The following ANKHD1 variants were observed in gnomAD, a reference collection of about 807,000 sequenced individuals.
ANKHD1 encodes the protein ankyrin repeat and KH domain-containing protein 1.
In ANKHD1, 31 loss-of-function variants were observed where a neutral mutation model predicts 230.5. That is an observed-to-expected ratio of 0.13 (90% CI 0.10 to 0.18). The LOEUF is 0.18. Ranked by LOEUF, ANKHD1 falls within the 10% of genes least tolerant of loss-of-function variation. The pLI, the probability that ANKHD1 is intolerant of heterozygous loss-of-function variation, is 1.00. For synonymous variants in ANKHD1, 1,074 were observed against 1,117.6 expected (o/e 0.96, Z 0.78); for missense variants, 2,256 against 3,071.3 (o/e 0.73, Z 6.27).
At chr5:140,514,187 T>TAAAA (rs141993613) in intron 24 of ANKHD1, among the ~76,000 whole-genome samples, 2 of 111,456 alleles carry the variant, frequency 1.8e-5, no homozygotes, top group African/African-American at 3.4e-5. Flanking sequence ...CTCTCTCTAT[T>TAAAA]AAAAAAAAAA....
At chr5:140,453,025 G>T (rs983878790) in intron 7 of ANKHD1, among the ~76,000 whole-genome samples, 5 of 152,160 alleles carry the variant, frequency 3.3e-5, no homozygotes, top group Non-Finnish European at 5.9e-5. Context: ...GTCCTTAAAT[G>T]ACCTGATGGA....
rs543661763 is a variant in ANKHD1 at position 140,469,234 on chromosome 5, A to G, written c.1782+4458A>G. ...CAAAAATCTTCTTGCCTGGCACAGT[A>G]GCTCAAGTCTTTAATCCCAGCTCTT... is the stretch of plus-strand genomic sequence containing the variant. On this transcript the variant is annotated intron_variant, in intron 10 of 33. Transcript: ENST00000360839. 6.6e-5 allele frequency among the ~76,000 whole-genome samples: 10 copies of G among 151,232 alleles called. No individual in the cohort carries two copies. The South Asian group carries it at 2.1e-3, about 32-fold the overall frequency.
chr5:140,438,679 C>T, intron 3 of ANKHD1, 62 bp downstream of exon 3: 3 of 1,460,726 alleles, frequency 2.1e-6, no homozygotes, highest in African/African-American at 2.8e-5. Context: ...GGGAAGTAGC[C>T]AATTTTGGTT....
intron 29 of ANKHD1, among the ~76,000 whole-genome samples, chr5:140,530,999 G>T (rs922469840): frequency 3.9e-5 from 6 of 152,194 alleles, no homozygotes. Context: ...GCCTGCATAT[G>T]ACTATCTATG....
chr5:140,458,136 C>T (rs1293711003), intron 7 of ANKHD1, among the ~76,000 whole-genome samples: 1 of 152,148 alleles, frequency 6.6e-6, no homozygotes. Context: ...CAAGTGGTAA[C>T]GACTTCACAT....
intron 10 of ANKHD1, among the ~76,000 whole-genome samples, chr5:140,469,916 G>A (rs534501798): frequency 1.3e-5 from 2 of 151,850 alleles, no homozygotes; most frequent in South Asian, 4.2e-4. Flanking sequence ...TCCTCAACTT[G>A]ACTTATCTGT....
In ANKHD1 at chr5:140,527,743, T is replaced by C. The variant is rs1026192587; in HGVS notation, c.5088-130T>C. On this transcript the variant is annotated intron_variant, in intron 27 of 33. Coordinates refer to ENST00000360839, the MANE Select transcript of ANKHD1 (RefSeq NM_017747.3). The surrounding 1 kb of genome is among the most constrained non-coding windows in gnomAD (Gnocchi z 4.5). The stretch of plus-strand genomic sequence containing the variant: ...AGATCAATTTCTAAAATAAAAACTT[T>C]TAATAATTTCCTCTTTAGCATTTAA... The C allele has an allele frequency of 8.5e-7, 1 of 1,177,912 alleles. No individual in the cohort carries two copies. Among genetic ancestry groups the C allele is most frequent in the Non-Finnish European group, 1.1e-6 (1 of 903,340 alleles). The allele number at this position is 1,177,912 out of a possible 1,614,324, so 73.0% of individuals were successfully genotyped here.
chr5:140,441,602 C>T (rs868062717), intron 5 of ANKHD1, among the ~76,000 whole-genome samples: 5 of 151,600 alleles, frequency 3.3e-5, no homozygotes, highest in East Asian at 1.9e-4. Flanking sequence ...CATTGGTTAC[C>T]GGGTCAGGGG....
chr5:140,520,547 A>G (rs1230576198), intron 24 of ANKHD1, among the ~76,000 whole-genome samples: 1 of 152,020 alleles, frequency 6.6e-6, no homozygotes, highest in Non-Finnish European at 1.5e-5. Flanking sequence ...CAGCAATGAT[A>G]GACTGGATTA....
In ANKHD1 at chr5:140,529,730, C is replaced by A; in HGVS notation, c.6784C>A (p.His2262Asn). 1 of 1,614,188 alleles carries A rather than the reference C, an allele frequency of 6.2e-7. No homozygotes were observed. The highest frequency in any genetic ancestry group is 8.5e-7 in the Non-Finnish European group (1 of 1,180,042). The change falls in exon 29 of 34, where the codon CAC (histidine) becomes AAC (asparagine). Residue 2262 changes from histidine to asparagine, a missense_variant. His to Asn is a moderately conservative substitution (Grantham distance 68). Transcript: ENST00000360839. ...AGTGCTTGGACACTTGGAAAACATG[C>A]ACCCTGATAACTCAAAGGCACCTGG... Reference protein sequence around the residue: ...NSVLGHLENMHPDNSKAPGFR... With the variant: ...NSVLGHLENMNPDNSKAPGFR...
intron 1 of ANKHD1, among the ~76,000 whole-genome samples, chr5:140,423,674 A>G (rs75075713): frequency 6.9e-4 from 105 of 152,260 alleles, no homozygotes; most frequent in African/African-American, 2.4e-3. Flanking sequence ...AGACCTTCCA[A>G]CTATTAATAC....
At chr5:140,427,095 G>A (rs1468329736) in intron 1 of ANKHD1, among the ~76,000 whole-genome samples, 44 of 152,048 alleles carry the variant, frequency 2.9e-4, no homozygotes, top group Non-Finnish European at 5.7e-4. Flanking sequence ...AGGGGCAGCC[G>A]GGCAGAGGCG....
chr5:140,492,499 A>T (rs1751851618), intron 14 of ANKHD1, among the ~76,000 whole-genome samples: 1 of 152,214 alleles, frequency 6.6e-6, no homozygotes, highest in Non-Finnish European at 1.5e-5. Flanking sequence ...AACATTTTAT[A>T]TTGAAGCCCA....
At chr5:140,531,117 A>G (rs1033240625) in intron 29 of ANKHD1, among the ~76,000 whole-genome samples, 16 of 152,198 alleles carry the variant, frequency 1.1e-4, no homozygotes, top group Admixed American at 1.0e-3. Flanking sequence ...CCAGGGTGAA[A>G]GAAGAGCTCA....
At chr5:140,412,879 G>A (rs752556129) in intron 1 of ANKHD1, among the ~76,000 whole-genome samples, 4 of 152,150 alleles carry the variant, frequency 2.6e-5, no homozygotes, top group Non-Finnish European at 2.9e-5. Flanking sequence ...AAATTTGTTG[G>A]ACTGAAATTT....
rs139676192 is a variant in ANKHD1 at position 140,512,406 on chromosome 5, A to T, written c.4105-422A>T. 2.5e-3 allele frequency among the ~76,000 whole-genome samples: 385 copies of T among 151,450 alleles called. 3 individuals are homozygous for T. Among genetic ancestry groups the T allele is most frequent in the African/African-American group, 8.9e-3 (370 of 41,436 alleles). ...GAGGCAAAGTAAGACTTTGAAATTTAAAAAAAAATTACTTATTTTAGGACT... is the reference window on the plus strand; with the variant it reads ...GAGGCAAAGTAAGACTTTGAAATTTTAAAAAAAATTACTTATTTTAGGACT... On this transcript the variant is annotated intron_variant, in intron 22 of 33. Transcript: ENST00000360839.
intron 14 of ANKHD1, 52 bp from the exon 15 acceptor site, chr5:140,496,461 CTTTTTTT>C (rs770445733): frequency 6.4e-5 from 33 of 513,010 alleles, no homozygotes; most frequent in South Asian, 4.1e-4. Flanking sequence ...TTTTTCTTTT[CTTTTTTT>C]TTTTTTTTTT....
intron 10 of ANKHD1, chr5:140,472,395 G>T: frequency 6.5e-7 from 1 of 1,527,300 alleles, no homozygotes; most frequent in African/African-American, 1.4e-5. Flanking sequence ...GAAGTTCCAG[G>T]ACCCTGCTGG....
intron 1 of ANKHD1, among the ~76,000 whole-genome samples, chr5:140,420,509 A>G (rs775078283): frequency 5.9e-5 from 9 of 152,150 alleles, no homozygotes; most frequent in Non-Finnish European, 1.2e-4. Flanking sequence ...ATTTTTATAT[A>G]TAAGGCGTGA....
Sources: gnomAD v4.1 joint callset for allele counts (sites outside exome capture counted in the v4.1 genomes callset) on GRCh38, gnomAD v4.1.1 for gene constraint, Gnocchi (gnomAD v3.1) non-coding constraint, MANE v1.5 for transcripts, NCBI Gene and HGNC (gene_info 2026-07-23, HGNC 2026-07-21) for gene names.